Variants in HPS6 observed in about 807,000 individuals in gnomAD.
The protein encoded by HPS6 is BLOC-2 complex member HPS6.
Under a neutral mutation model 53.6 loss-of-function variants are expected in HPS6, and 46 were observed. The ratio of observed to expected loss-of-function variants is 0.86; its 90% confidence interval spans 0.68 to 1.10. HPS6 has a LOEUF of 1.10. HPS6 is among the 50% of genes least tolerant of loss of function. The pLI is 0.00. For synonymous variants in HPS6, 535 were observed against 470.8 expected (o/e 1.14, Z -1.77); for missense variants, 1,034 against 991.3 (o/e 1.04, Z -0.58).
Position 102,066,558 on chromosome 10 carries a change from G to A in HPS6, c.1084G>A (p.Gly362Ser), listed in dbSNP as rs758140073. 45 of 1,614,072 alleles carry A rather than the reference G, an allele frequency of 2.8e-5. No individual in the cohort carries two copies. Among genetic ancestry groups the A allele is most frequent in the Non-Finnish European group, 3.5e-5 (41 of 1,180,052 alleles). The change falls in exon 1 of 1, where the codon GGC (glycine) becomes AGC (serine). Residue 362 changes from glycine to serine, a missense_variant. Gly to Ser is a moderately conservative substitution (Grantham distance 56). Coordinates refer to ENST00000299238, the MANE Select transcript of HPS6 (RefSeq NM_024747.6). ...RVHLLEPPAP[G>S]MEDEEELETR... ...ACATCTGCTAGAACCGCCAGCCCCC[G>A]GCATGGAGGATGAGGAAGAGCTGGA...
Position 102,065,549 on chromosome 10 carries a change from G to C in HPS6, c.75G>C (p.Leu25=). 1 of 1,549,836 alleles carries C rather than the reference G, an allele frequency of 6.5e-7. No homozygotes were observed. The highest frequency in any genetic ancestry group is 1.4e-5 in the African/African-American group (1 of 71,124). Residue 25 remains leucine (L), a synonymous_variant, in exon 1 of 1, where the codon CTG becomes CTC. Transcript: ENST00000299238. ...GCGGCGCGGCGCGGCTCCGGGAGCT[G>C]GTGGCCGGGGACTCAGCGGTCCGAG... ...AFGGAARLRE[L]VAGDSAVRVR...
Position 102,066,244 on chromosome 10 carries a change from G to A in HPS6, c.770G>A (p.Gly257Asp), listed in dbSNP as rs373015076. ...TGGGACTTCCGGACCCTGCTCCGAG[G>A]CCTTCCTGGGTTGCTGTCCCCCAGG... Reference protein sequence around the residue: ...DTWDFRTLLRGLPGLLSPREP... With the variant: ...DTWDFRTLLRDLPGLLSPREP... The change falls in exon 1 of 1, where the codon GGC (glycine) becomes GAC (aspartate). Residue 257 changes from glycine to aspartate, a missense_variant. Transcript: ENST00000299238. The A allele has an allele frequency of 2.0e-5, 33 of 1,613,806 alleles. No homozygotes were observed. In the African/African-American group the frequency reaches 4.0e-4, roughly 20 times the overall value.
chr10:102,065,704 C>A lies in HPS6; in HGVS notation c.230C>A (p.Ser77Tyr). The change falls in exon 1 of 1, where the codon TCC becomes TAC. Residue 77 changes from serine (S) to tyrosine (Y), a missense_variant. Physicochemically the swap from Ser to Tyr is moderately radical, Grantham distance 144. Transcript: ENST00000299238. Reference protein sequence around the residue: ...LERAWPAGQPSPLDAFFLPWP... With the variant: ...LERAWPAGQPYPLDAFFLPWP... ...CGGGCCTGGCCGGCCGGCCAGCCCT[C>A]CCCGCTGGACGCCTTCTTCCTGCCG... 1 of 1,509,628 alleles carries A rather than the reference C, an allele frequency of 6.6e-7. No homozygotes were observed. The highest frequency in any genetic ancestry group is 2.1e-5 in the Admixed American group (1 of 48,270). 93.5% of individuals were successfully genotyped at this position (1,509,628 alleles called of 1,614,324 possible).
chr10:102,065,922 G>C lies in HPS6; in HGVS notation c.448G>C (p.Gly150Arg), dbSNP rs1461317031. 1 of 1,555,600 alleles carries C rather than the reference G, an allele frequency of 6.4e-7. No individual in the cohort carries two copies. The highest frequency in any genetic ancestry group is 2.4e-5 in the East Asian group (1 of 42,146). Residue 150 changes from glycine (G) to arginine (R), a missense_variant, in exon 1 of 1, where the codon GGC becomes CGC. Transcript: ENST00000299238. The stretch of plus-strand genomic sequence containing the variant: ...CGAGGAGCGGCAGGCCCGGGCCGAG[G>C]GCCCGTCAGGGTCGCCAGCAGCCGC... ...WCEERQARAE[G>R]PSGSPAAAFS... is the part of the protein sequence containing the mutation.
At position 102,065,766 on chromosome 10, in the gene HPS6, A is replaced by G; in HGVS notation, c.292A>G (p.Ser98Gly). The change falls in exon 1 of 1, where the codon AGT becomes GGT. Residue 98 changes from serine to glycine, a missense_variant. Ser to Gly is a moderately conservative substitution (Grantham distance 56, BLOSUM62 0). Coordinates refer to ENST00000299238, the MANE Select transcript of HPS6 (RefSeq NM_024747.6). The stretch of plus-strand genomic sequence containing the variant: ...GCCGGCGCTGGTGCTGGTGTGGGAG[A>G]GTGGCCTGGCCGAGGTGTGGGGCGC... Reference protein sequence around the residue: ...ARPALVLVWESGLAEVWGAGV... With the variant: ...ARPALVLVWEGGLAEVWGAGV... 6.7e-7 allele frequency: 1 copy of G among 1,500,272 alleles called. No individual in the cohort carries two copies. The highest frequency in any genetic ancestry group is 8.8e-7 in the Non-Finnish European group (1 of 1,133,018). The allele number at this position is 1,500,272 out of a possible 1,614,324, so 92.9% of individuals were successfully genotyped here.
Position 102,066,347 on chromosome 10 carries a change from A to G in HPS6, c.873A>G (p.Leu291=), listed in dbSNP as rs1391509285. The G allele has an allele frequency of 2.5e-6, 4 of 1,613,932 alleles. No homozygotes were observed. The highest frequency in any genetic ancestry group is 2.5e-6 in the Non-Finnish European group (3 of 1,179,982). The part of the protein sequence containing the change: ...LLLDFGGTVS[L]LQSHGGTRAV... ...TTGACTTCGGGGGCACTGTGAGCCT[A>G]TTGCAGTCCCACGGTGGTACGCGGG... The change falls in exon 1 of 1, where the codon CTA becomes CTG. Residue 291 remains leucine (L), a synonymous_variant. Transcript: ENST00000299238.
chr10:102,066,529 G>A lies in HPS6; in HGVS notation c.1055G>A (p.Arg352Lys). The A allele has an allele frequency of 6.2e-7, 1 of 1,614,188 alleles. No homozygotes were observed. The highest frequency in any genetic ancestry group is 1.1e-5 in the South Asian group (1 of 91,086). Residue 352 changes from arginine (R) to lysine (K), a missense_variant, in exon 1 of 1, where the codon AGG (arginine) becomes AAG (lysine). Physicochemically the swap from Arg to Lys is conservative, Grantham distance 26 (BLOSUM62 2). Coordinates refer to ENST00000299238, the MANE Select transcript of HPS6 (RefSeq NM_024747.6). ...LLERKVLSTD[R>K]VHLLEPPAPG... is the part of the protein sequence containing the mutation. ...GAGAGGAAGGTCCTAAGTACAGACA[G>A]GGTACATCTGCTAGAACCGCCAGCC...
chr10:102,065,444 A>G lies in HPS6; in HGVS notation c.-31A>G, dbSNP rs1005391727. On this transcript the variant is annotated 5_prime_UTR_variant, in exon 1 of 1. Coordinates refer to ENST00000299238, the MANE Select transcript of HPS6 (RefSeq NM_024747.6). ...CCTGCTGGGCGGCTGGACCTGGGCA[A>G]AGCCTGGGCGCGCTCCCGCGCAGCG... is the stretch of plus-strand genomic sequence containing the variant. The G allele has an allele frequency of 6.5e-7, 1 of 1,537,536 alleles. No homozygotes were observed. The highest frequency in any genetic ancestry group is 8.7e-7 in the Non-Finnish European group (1 of 1,153,228).
Position 102,065,571 on chromosome 10 carries a change from C to A in HPS6, c.97C>A (p.Arg33=). 2 of 1,548,226 alleles carry A rather than the reference C, an allele frequency of 1.3e-6. No individual in the cohort carries two copies. The highest frequency in any genetic ancestry group is 2.5e-5 in the East Asian group (1 of 40,384). ...GCTGGTGGCCGGGGACTCAGCGGTCCGAGTCCGTGGCAGTCCGGACGGCCG... is the reference window on the plus strand; with the variant it reads ...GCTGGTGGCCGGGGACTCAGCGGTCAGAGTCCGTGGCAGTCCGGACGGCCG... ...RELVAGDSAV[R]VRGSPDGRHL... The change falls in exon 1 of 1, where the codon CGA becomes AGA. Residue 33 remains arginine, a synonymous_variant. Transcript: ENST00000299238.
rs779995366 is a variant in HPS6 at position 102,066,772 on chromosome 10, G to A, written c.1298G>A (p.Arg433Gln). ...PEELRHSSTF[R>Q]APQALASILQ... ...GAACTGAGACACAGCAGCACATTCC[G>A]GGCACCTCAGGCTCTGGCCTCCATC... Residue 433 changes from arginine to glutamine, a missense_variant, in exon 1 of 1, where the codon CGG becomes CAG. Transcript: ENST00000299238. 6.0e-5 allele frequency: 97 copies of A among 1,614,008 alleles called. No homozygotes were observed. The highest frequency in any genetic ancestry group is 7.0e-5 in the Non-Finnish European group (83 of 1,180,042).
Position 102,065,959 on chromosome 10 carries a change from G to A in HPS6, c.485G>A (p.Cys162Tyr). Reference protein sequence around the residue: ...SGSPAAAFSHCVCVRTLEPSG... With the variant: ...SGSPAAAFSHYVCVRTLEPSG... ...TCGCCAGCAGCCGCTTTCAGCCACTGTGTGTGCGTCCGGACTCTGGAGCCC... is the reference window on the plus strand; with the variant it reads ...TCGCCAGCAGCCGCTTTCAGCCACTATGTGTGCGTCCGGACTCTGGAGCCC... The change falls in exon 1 of 1, where the codon TGT becomes TAT. Residue 162 changes from cysteine (C) to tyrosine (Y), a missense_variant. Cys to Tyr is a radical substitution (Grantham distance 194, BLOSUM62 -2). Transcript: ENST00000299238. 1.3e-6 allele frequency: 2 copies of A among 1,594,598 alleles called. No homozygotes were observed. Among genetic ancestry groups the A allele is most frequent in the Middle Eastern group, 3.4e-4 (2 of 5,944 alleles).
Position 102,067,661 on chromosome 10 carries a change from C to T in HPS6, c.2187C>T (p.Pro729=), listed in dbSNP as rs1200146859. Residue 729 remains proline (P), a synonymous_variant, in exon 1 of 1, where the codon CCC becomes CCT. Transcript: ENST00000299238. The stretch of plus-strand genomic sequence containing the variant: ...CATTCCCTGAGCCTGGAGCAGAGCC[C>T]CCTCTCACTGTGGGCTTGCTCAAAG... The part of the protein sequence containing the change: ...PTPFPEPGAE[P]PLTVGLLKAL... 5 of 1,613,882 alleles carry T rather than the reference C, an allele frequency of 3.1e-6. No homozygotes were observed. The African/African-American group carries it at 6.7e-5, about 22-fold the overall frequency.
At position 102,067,707 on chromosome 10, in the gene HPS6, GC is replaced by G. The variant is rs1332874055; in HGVS notation, c.2234del (p.Ala745ValfsTer10). On this transcript the variant is annotated frameshift_variant, in exon 1 of 1. Transcript: ENST00000299238. LOFTEE classifies it high-confidence loss of function. ...CAAAGCCCTGCTGGAGCAGACTGGG[GC>G]TCAAGGATGGCTGTCGGGCCCAGTT... The part of the protein sequence containing the change: ...LLKALLEQTG[A>X]QGWLSGPVLS... The G allele has an allele frequency of 6.2e-7, 1 of 1,613,624 alleles. No homozygotes were observed. The highest frequency in any genetic ancestry group is 8.5e-7 in the Non-Finnish European group (1 of 1,180,004).
rs766916912 is a variant in HPS6 at position 102,065,844 on chromosome 10, G to C, written c.370G>C (p.Gly124Arg). ...PLQSTELCPG[G>R]GARVVAVAAL... ...GCAGAGCACCGAGCTGTGTCCGGGCGGGGGAGCCCGCGTTGTGGCAGTGGC... is the reference window on the plus strand; with the variant it reads ...GCAGAGCACCGAGCTGTGTCCGGGCCGGGGAGCCCGCGTTGTGGCAGTGGC... Residue 124 changes from glycine to arginine, a missense_variant, in exon 1 of 1, where the codon GGG becomes CGG. Gly to Arg is a moderately radical substitution (Grantham distance 125, BLOSUM62 -2). Coordinates refer to ENST00000299238, the MANE Select transcript of HPS6 (RefSeq NM_024747.6). 1 of 1,518,626 alleles carries C rather than the reference G, an allele frequency of 6.6e-7. No homozygotes were observed. The highest frequency in any genetic ancestry group is 2.0e-5 in the Admixed American group (1 of 49,156). The allele number at this position is 1,518,626 out of a possible 1,614,324, so 94.1% of individuals were successfully genotyped here. A position where few individuals can be genotyped will look rare whatever the true frequency, so the allele number is the denominator to read the frequency against.
In HPS6 at chr10:102,067,590, C is replaced by T. The variant is rs935012256; in HGVS notation, c.2116C>T (p.Leu706Phe). The T allele has an allele frequency of 6.2e-6, 10 of 1,613,840 alleles. No homozygotes were observed. The highest frequency in any genetic ancestry group is 8.5e-6 in the Non-Finnish European group (10 of 1,180,040). The change falls in exon 1 of 1, where the codon CTT becomes TTT. Residue 706 changes from leucine (L) to phenylalanine (F), a missense_variant. By Grantham distance (22) the Leu-to-Phe change is conservative (BLOSUM62 0). Transcript: ENST00000299238. ...PPELAPAELL[L>F]LLRTYLPDEV... ...AGAACTGGCTCCAGCTGAGCTCCTG[C>T]TTCTACTGAGGACATACCTCCCAGA...
rs759557978 is a variant in HPS6, at chr10:102,065,463, C to A, written c.-12C>A. The A allele has an allele frequency of 6.4e-7, 1 of 1,550,894 alleles. No homozygotes were observed. The highest frequency in any genetic ancestry group is 1.2e-5 in the South Asian group (1 of 84,682). On this transcript the variant is annotated 5_prime_UTR_variant, in exon 1 of 1. Coordinates refer to ENST00000299238, the MANE Select transcript of HPS6 (RefSeq NM_024747.6). ...TGGGCAAAGCCTGGGCGCGCTCCCGCGCAGCGGCGCCATGAAGCGCTCGGG... is the reference window on the plus strand; with the variant it reads ...TGGGCAAAGCCTGGGCGCGCTCCCGAGCAGCGGCGCCATGAAGCGCTCGGG...
In HPS6 at chr10:102,067,777, C is replaced by G; in HGVS notation, c.2303C>G (p.Pro768Arg). 4 of 1,613,088 alleles carry G rather than the reference C, an allele frequency of 2.5e-6. No homozygotes were observed. Among genetic ancestry groups the G allele is most frequent in the Non-Finnish European group, 2.5e-6 (3 of 1,180,026 alleles). Residue 768 changes from proline to arginine, a missense_variant, in exon 1 of 1, where the codon CCC (proline) becomes CGC (arginine). Coordinates refer to ENST00000299238, the MANE Select transcript of HPS6 (RefSeq NM_024747.6). ...EDILWDPSTP[P>R]PTPPRDL is the part of the protein sequence containing the mutation. The stretch of plus-strand genomic sequence containing the variant: ...ATCCTATGGGACCCCAGCACTCCAC[C>G]CCCGACTCCACCTCGGGACCTATGA...
chr10:102,067,473 C>T lies in HPS6; in HGVS notation c.1999C>T (p.Arg667Ter), dbSNP rs373272174. 31 of 1,613,602 alleles carry T rather than the reference C, an allele frequency of 1.9e-5. No individual in the cohort carries two copies. The highest frequency in any genetic ancestry group is 2.4e-5 in the Non-Finnish European group (28 of 1,180,050). The change falls in exon 1 of 1, where the codon CGA becomes TGA. Residue 667 changes from arginine to a stop codon, truncating the protein, a stop_gained. Transcript: ENST00000299238. LOFTEE classifies it high-confidence loss of function. ...LALGPSSPLLRSEIFKLLLAE... is the reference protein window; with the variant it reads ...LALGPSSPLL The stretch of plus-strand genomic sequence containing the variant: ...CCTCGGCCCCTCCAGTCCCCTGCTT[C>T]GAAGTGAAATCTTCAAACTGCTGCT...
rs1564899012 is a variant in HPS6 at position 102,065,755 on chromosome 10, TG to T, written c.283del (p.Val95CysfsTer132). On this transcript the variant is annotated frameshift_variant, in exon 1 of 1. Transcript: ENST00000299238. LOFTEE classifies it high-confidence loss of function. ...TGGCCAGCGCGGCCGGCGCTGGTGC[TG>T]GTGTGGGAGAGTGGCCTGGCCGAGG... Reference protein sequence around the residue: ...LPWPARPALVLVWESGLAEVW... With the variant: ...LPWPARPALVXVWESGLAEVW... 6.0e-6 allele frequency: 9 copies of T among 1,502,238 alleles called. No individual in the cohort carries two copies. The highest frequency in any genetic ancestry group is 7.1e-6 in the Non-Finnish European group (8 of 1,133,682). The allele number at this position is 1,502,238 out of a possible 1,614,324, so 93.1% of individuals were successfully genotyped here. A position where few individuals can be genotyped will look rare whatever the true frequency, so the allele number is the denominator to read the frequency against.
Sources: gnomAD v4.1 joint callset for allele counts on GRCh38, gnomAD v4.1.1 for gene constraint, MANE v1.5 for transcripts, NCBI Gene and HGNC (gene_info 2026-07-23, HGNC 2026-07-21) for gene names.